TRIO: variants seen among roughly 807,000 people sequenced by gnomAD.
The protein encoded by TRIO is triple functional domain protein.
TRIO carries 58 observed loss-of-function variants against 351.9 expected under a neutral mutation model. The observed-to-expected ratio is 0.16, with a 90% CI of 0.13 to 0.21. The LOEUF (loss-of-function observed/expected upper bound fraction) is 0.21. Ranked by LOEUF, TRIO falls within the 10% of genes least tolerant of loss-of-function variation. The pLI is 1.00. For synonymous variants in TRIO, 1,758 were observed against 1,595.7 expected (o/e 1.10, Z -2.42); for missense variants, 3,201 against 4,027.8 (o/e 0.79, Z 5.56).
intron 10 of TRIO, among the ~76,000 whole-genome samples, chr5:14,334,419 C>G (rs1240895746): frequency 6.6e-6 from 1 of 152,160 alleles, no homozygotes; most frequent in Non-Finnish European, 1.5e-5. Context: ...CGTCTCAGAT[C>G]ATTCAGAAAT....
chr5:14,380,897 A>G (rs1216074579), intron 20 of TRIO, among the ~76,000 whole-genome samples: 3 of 152,232 alleles, frequency 2.0e-5, no homozygotes, highest in Non-Finnish European at 2.9e-5. Flanking sequence ...CAAACTTTTT[A>G]TTGTTGCGAC....
intron 1 of TRIO, among the ~76,000 whole-genome samples, chr5:14,251,075 G>A (rs1016263212): frequency 2.0e-5 from 3 of 152,156 alleles, no homozygotes; most frequent in Non-Finnish European, 4.4e-5. Flanking sequence ...GGTAGGGGGT[G>A]TGAGCCCTCA....
Position 14,419,764 on chromosome 5 carries a change from T to C in TRIO, c.4960-14T>C. 1.2e-6 allele frequency: 2 copies of C among 1,613,844 alleles called. No homozygotes were observed. The highest frequency in any genetic ancestry group is 1.7e-6 in the Non-Finnish European group (2 of 1,179,810). The stretch of plus-strand genomic sequence containing the variant: ...CACTGGCTGACCTGTCCTCTCTTCC[T>C]CTGTTCCCCCCAGCTCTCTGGTGGC... On this transcript the variant is annotated splice_polypyrimidine_tract_variant and intron_variant, in intron 33 of 56. Coordinates refer to ENST00000344204, the MANE Select transcript of TRIO (RefSeq NM_007118.4).
At position 14,357,099 on chromosome 5, in the gene TRIO, G is replaced by A. The variant is rs542188283; in HGVS notation, c.2047-1079G>A. 8.5e-5 allele frequency among the ~76,000 whole-genome samples: 13 copies of A among 152,350 alleles called. No homozygotes were observed. In the South Asian group the frequency reaches 2.7e-3, roughly 32 times the overall value. On this transcript the variant is annotated intron_variant, in intron 11 of 56. Transcript: ENST00000344204. ...CTTATAGTATGTCAGTTAGTCCTCAGTAAAGCCGTTTTGTAAAAAGCTTGG... is the reference window on the plus strand; with the variant it reads ...CTTATAGTATGTCAGTTAGTCCTCAATAAAGCCGTTTTGTAAAAAGCTTGG...
At chr5:14,343,601 T>C (rs1449460430) in intron 11 of TRIO, among the ~76,000 whole-genome samples, 4 of 152,252 alleles carry the variant, frequency 2.6e-5, no homozygotes, top group African/African-American at 9.6e-5. Flanking sequence ...TTCCTTCCTC[T>C]TTATTGCTGA....
At position 14,287,248 on chromosome 5, in the gene TRIO, G is replaced by C. The variant is rs149810746; in HGVS notation, c.540+185G>C. 16 of 653,480 alleles carry C rather than the reference G, an allele frequency of 2.4e-5. No individual in the cohort carries two copies. The Admixed American group carries it at 4.9e-4, about 20-fold the overall frequency. 40.5% of individuals were successfully genotyped at this position (653,480 alleles called of 1,614,324 possible). A position where few individuals can be genotyped will look rare whatever the true frequency, so the allele number is the denominator to read the frequency against. Reference sequence around the variant, plus strand: ...CAGAGCTGCGTTCATCATCCGAGTGGATTGTTTTACCCACATGGGCTTAGG... The same window carrying C: ...CAGAGCTGCGTTCATCATCCGAGTGCATTGTTTTACCCACATGGGCTTAGG... On this transcript the variant is annotated intron_variant, in intron 4 of 56. Coordinates refer to ENST00000344204, the MANE Select transcript of TRIO (RefSeq NM_007118.4).
At chr5:14,277,615 AG>A (rs1735652578) in intron 2 of TRIO, among the ~76,000 whole-genome samples, 1 of 152,220 alleles carries the variant, frequency 6.6e-6, no homozygotes, top group African/African-American at 2.4e-5. Flanking sequence ...TATGAACTGC[AG>A]TGCTGTTATT....
At chr5:14,159,815 T>G (rs1228162410) in intron 1 of TRIO, among the ~76,000 whole-genome samples, 1 of 152,194 alleles carries the variant, frequency 6.6e-6, no homozygotes, top group East Asian at 1.9e-4. Context: ...TCTGCCCGCC[T>G]CGGCCTCCCA....
At chr5:14,285,331 G>A (rs1310594305) in intron 3 of TRIO, among the ~76,000 whole-genome samples, 1 of 151,950 alleles carries the variant, frequency 6.6e-6, no homozygotes, top group Non-Finnish European at 1.5e-5. Context: ...TTTAGACACT[G>A]TGCTCCTCTG....
At chr5:14,283,383 C>T (rs1736174411) in intron 3 of TRIO, among the ~76,000 whole-genome samples, 1 of 152,166 alleles carries the variant, frequency 6.6e-6, no homozygotes, top group Non-Finnish European at 1.5e-5. Flanking sequence ...GAACATGGGC[C>T]TCAGAATCAG....
chr5:14,185,583 C>A (rs1465187184), intron 1 of TRIO, among the ~76,000 whole-genome samples: 1 of 152,142 alleles, frequency 6.6e-6, no homozygotes, highest in Admixed American at 6.5e-5. Flanking sequence ...CAGGGAGAAA[C>A]TGGGGCAGCT....
At chr5:14,144,941 C>T (rs1055495828) in intron 1 of TRIO, among the ~76,000 whole-genome samples, 1 of 152,114 alleles carries the variant, frequency 6.6e-6, no homozygotes, top group Non-Finnish European at 1.5e-5. Flanking sequence ...GGCCGGCACC[C>T]AGAGCGCAGT....
intron 11 of TRIO, among the ~76,000 whole-genome samples, chr5:14,341,265 T>C (rs1005633579): frequency 1.3e-5 from 2 of 152,234 alleles, no homozygotes; most frequent in African/African-American, 4.8e-5. Flanking sequence ...TTTTTCACTG[T>C]TTATTTGTTC....
intron 20 of TRIO, among the ~76,000 whole-genome samples, chr5:14,380,284 G>A (rs1403966780): frequency 4.8e-4 from 55 of 114,910 alleles, no homozygotes; most frequent in Admixed American, 3.8e-3. Flanking sequence ...CCTCCTTCGC[G>A]CCCCGCCTCC....
chr5:14,308,936 C>G (rs562605686), intron 8 of TRIO, among the ~76,000 whole-genome samples: 1 of 152,060 alleles, frequency 6.6e-6, no homozygotes, highest in East Asian at 1.9e-4. Flanking sequence ...TCCATCCACC[C>G]AGTCACCCAA....
intron 38 of TRIO, 36 bp downstream of exon 38, chr5:14,471,502 G>A (rs1429990384): frequency 1.2e-6 from 2 of 1,611,448 alleles, no homozygotes; most frequent in Non-Finnish European, 8.5e-7. Context: ...ATTGTTCTCT[G>A]GGTTCCGTCC....
chr5:14,254,507 C>A (rs1794920357), intron 1 of TRIO, among the ~76,000 whole-genome samples: 1 of 152,158 alleles, frequency 6.6e-6, no homozygotes, highest in African/African-American at 2.4e-5. Flanking sequence ...TAGTGCATTC[C>A]AGCAATGTGC....
At chr5:14,480,819 G>A (rs1199880316) in intron 43 of TRIO, among the ~76,000 whole-genome samples, 1 of 152,162 alleles carries the variant, frequency 6.6e-6, no homozygotes, top group Non-Finnish European at 1.5e-5. Context: ...AGACAGGTGT[G>A]GTGGTACACA....
At chr5:14,153,905 C>T (rs562165672) in intron 1 of TRIO, among the ~76,000 whole-genome samples, 1 of 152,348 alleles carries the variant, frequency 6.6e-6, no homozygotes, top group African/African-American at 2.4e-5. Flanking sequence ...ACAAGTCTCA[C>T]ACCAAATAAA....
Sources: allele counts gnomAD v4.1 joint callset (sites outside exome capture counted in the v4.1 genomes callset), GRCh38; gene constraint gnomAD v4.1.1; transcripts MANE v1.5; gene names NCBI Gene and HGNC (gene_info 2026-07-23, HGNC 2026-07-21).